CLVS1: variants seen among roughly 807,000 people sequenced by gnomAD.
The protein encoded by CLVS1 is clavesin-1.
Under a neutral mutation model 33.1 loss-of-function variants are expected in CLVS1, and 10 were observed. That is an observed-to-expected ratio of 0.30 (90% CI 0.19 to 0.51). The LOEUF (loss-of-function observed/expected upper bound fraction) is 0.51, where lower values mean the gene tolerates loss of function less well. Among genes scored for constraint, CLVS1 ranks in the 20% least tolerant of loss-of-function variants. The pLI is 0.97. For missense variants in CLVS1, 343 were observed against 433.4 expected, an observed-to-expected ratio of 0.79 and a Z score of 1.85; for synonymous variants, 163 against 166.1, an observed-to-expected ratio of 0.98 and a Z score of 0.14.
At chr8:61,344,780 G>A (rs1000860323) in intron 2 of CLVS1, among the ~76,000 whole-genome samples, 19 of 151,552 alleles carry the variant, frequency 1.3e-4, no homozygotes, top group African/African-American at 4.1e-4. Context: ...TTTTTTCTTG[G>A]TTCCCATACT....
chr8:61,016,624 A>C, the CLVS1 span, among the ~76,000 whole-genome samples: 1 of 152,226 alleles, frequency 6.6e-6, no homozygotes, highest in Non-Finnish European at 1.5e-5. Context: ...GGCAAAATCT[A>C]AGTGGACTCC....
intron 1 of CLVS1, among the ~76,000 whole-genome samples, chr8:61,100,710 G>A (rs1350846370): frequency 1.3e-5 from 2 of 152,032 alleles, no homozygotes; most frequent in African/African-American, 2.4e-5. Flanking sequence ...CTTAGCCATC[G>A]TTCCCAATCC....
chr8:61,064,089 C>CAGGGGAAAGTGTCCACGCAGTGG (rs1804632704), intron 1 of CLVS1, among the ~76,000 whole-genome samples: 1 of 152,186 alleles, frequency 6.6e-6, no homozygotes, highest in Non-Finnish European at 1.5e-5. Context: ...ATATTCTATT[C>CAGGGGAAAGTGTCCACGCAGTGG]TATGGATACA....
chr8:61,412,037 T>C (rs1420329441), intron 3 of CLVS1, among the ~76,000 whole-genome samples: 1 of 152,082 alleles, frequency 6.6e-6, no homozygotes, highest in Non-Finnish European at 1.5e-5. Context: ...AGGCCAGGGC[T>C]GGCCAGTGGA....
At chr8:61,466,699 G>T (rs1300903077) in intron 5 of CLVS1, among the ~76,000 whole-genome samples, 1 of 152,130 alleles carries the variant, frequency 6.6e-6, no homozygotes, top group Non-Finnish European at 1.5e-5. Context: ...CCAGGCTGGA[G>T]TGCAGTGGCA....
At chr8:61,369,267 AT>A (rs1019957027) in intron 2 of CLVS1, among the ~76,000 whole-genome samples, 1 of 152,110 alleles carries the variant, frequency 6.6e-6, no homozygotes, top group African/African-American at 2.4e-5. Context: ...AAAGCCAAAC[AT>A]TTTTCATTAG....
chr8:61,472,733 G>T (rs1427185149), intron 5 of CLVS1, among the ~76,000 whole-genome samples: 2 of 152,072 alleles, frequency 1.3e-5, no homozygotes, highest in Admixed American at 6.5e-5. Context: ...GCAATTAAGA[G>T]AACAGAATCA....
chr8:61,161,526 G>A (rs537143731), intron 2 of CLVS1, among the ~76,000 whole-genome samples: 1 of 152,284 alleles, frequency 6.6e-6, no homozygotes, highest in South Asian at 2.1e-4. Context: ...AGGATTTTAT[G>A]CTAAGTAAAA....
intron 2 of CLVS1, among the ~76,000 whole-genome samples, chr8:61,254,887 G>T (rs1198905572): frequency 6.6e-6 from 1 of 152,168 alleles, no homozygotes; most frequent in African/African-American, 2.4e-5. Flanking sequence ...TGATGCCTCA[G>T]CCTCCTTTGG....
intron 2 of CLVS1, among the ~76,000 whole-genome samples, chr8:61,158,940 C>G (rs1235038838): frequency 6.6e-6 from 1 of 152,244 alleles, no homozygotes; most frequent in African/African-American, 2.4e-5. Context: ...GATCCTCCCA[C>G]TTCAGCCTCC....
At chr8:61,430,448 C>T (rs1323647413) in intron 3 of CLVS1, among the ~76,000 whole-genome samples, 2 of 152,108 alleles carry the variant, frequency 1.3e-5, no homozygotes, top group Non-Finnish European at 2.9e-5. Flanking sequence ...AAATAAAATT[C>T]CCCCCAAGGG....
At chr8:61,009,031 C>T in the CLVS1 span, among the ~76,000 whole-genome samples, 14 of 152,300 alleles carry the variant, frequency 9.2e-5, no homozygotes, top group Admixed American at 3.3e-4. Flanking sequence ...TCCCTTTGGT[C>T]ATTTTTTCTG....
chr8:60,969,886 A>T, the CLVS1 span, among the ~76,000 whole-genome samples: 1 of 152,210 alleles, frequency 6.6e-6, no homozygotes, highest in African/African-American at 2.4e-5. Context: ...TAATCTAGAG[A>T]TGATTTAAAA....
In CLVS1 at chr8:61,399,829, A is replaced by T. The variant is rs534963591; in HGVS notation, c.630+23050A>T. Among the ~76,000 whole-genome samples, 4 of 152,268 alleles carry T rather than the reference A, an allele frequency of 2.6e-5. No individual in the cohort carries two copies. In the South Asian group the frequency reaches 8.3e-4, roughly 32 times the overall value. ...TTGCTTGTCTTTGTCAAGTTTGTCA[A>T]AGATCAGATGGTTGTAGGTGTGCAG... On this transcript the variant is annotated intron_variant, in intron 3 of 5. Coordinates refer to ENST00000325897, the MANE Select transcript of CLVS1 (RefSeq NM_173519.3).
At chr8:61,370,056 G>A (rs1399445722) in intron 2 of CLVS1, among the ~76,000 whole-genome samples, 1 of 152,136 alleles carries the variant, frequency 6.6e-6, no homozygotes, top group Non-Finnish European at 1.5e-5. Flanking sequence ...CTATAACCAA[G>A]ACATAGATAT....
intron 1 of CLVS1, among the ~76,000 whole-genome samples, chr8:61,104,503 G>A (rs1805501460): frequency 6.6e-6 from 1 of 152,156 alleles, no homozygotes; most frequent in African/African-American, 2.4e-5. Context: ...TATGAAAGAT[G>A]TATATTGTTA....
At chr8:61,278,639 T>C (rs894375658) in intron 2 of CLVS1, among the ~76,000 whole-genome samples, 6 of 152,226 alleles carry the variant, frequency 3.9e-5, no homozygotes, top group Non-Finnish European at 5.9e-5. Context: ...TGTGTGTGTA[T>C]AGATGTAGAT....
intron 2 of CLVS1, among the ~76,000 whole-genome samples, chr8:61,348,824 T>G (rs1812334839): frequency 6.6e-6 from 1 of 152,194 alleles, no homozygotes; most frequent in Admixed American, 6.5e-5. Flanking sequence ...GTTGTACTAA[T>G]GTACATTCTC....
At chr8:61,484,539 A>G (rs1803796705) in intron 5 of CLVS1, among the ~76,000 whole-genome samples, 1 of 152,238 alleles carries the variant, frequency 6.6e-6, no homozygotes, top group African/African-American at 2.4e-5. Flanking sequence ...TACAGATTCA[A>G]CGCCATCCCC....
Sources: gnomAD v4.1 joint callset for allele counts (sites outside exome capture counted in the v4.1 genomes callset) on GRCh38, gnomAD v4.1.1 for gene constraint, MANE v1.5 for transcripts, NCBI Gene and HGNC (gene_info 2026-07-23, HGNC 2026-07-21) for gene names.